NOVA1: variants seen among roughly 807,000 people sequenced by gnomAD.
The protein encoded by NOVA1 is RNA-binding protein Nova-1.
NOVA1 carries 7 observed loss-of-function variants against 38.0 expected under a neutral mutation model. That is an observed-to-expected ratio of 0.18 (90% CI 0.10 to 0.35). The LOEUF is 0.35. Ranked by LOEUF, NOVA1 falls within the 10% of genes least tolerant of loss-of-function variation. NOVA1 has a pLI of 1.00. For missense variants in NOVA1, 460 were observed against 616.0 expected (o/e 0.75, Z 2.68); for synonymous variants, 270 against 232.5 (o/e 1.16, Z -1.47).
intron 3 of NOVA1, among the ~76,000 whole-genome samples, chr14:26,474,175 ATGTGT>A (rs1188298579): frequency 6.6e-6 from 1 of 152,052 alleles, no homozygotes; most frequent in Non-Finnish European, 1.5e-5. Context: ...GTGACTAAGT[ATGTGT>A]TAAATCTAGA....
chr14:26,597,215 G>A (rs1186850751), intron 1 of NOVA1, 86 bp downstream of exon 1: 4 of 902,876 alleles, frequency 4.4e-6, no homozygotes, highest in East Asian at 3.4e-5. Context: ...GGGAGGGAGG[G>A]AAGGAGGGAG....
intron 2 of NOVA1, among the ~76,000 whole-genome samples, chr14:26,538,967 G>T (rs557253387): frequency 6.6e-6 from 1 of 152,182 alleles, no homozygotes; most frequent in Non-Finnish European, 1.5e-5. Context: ...TATTCCTGAT[G>T]ACTAGAATGT....
chr14:26,554,113 CATTCCAGCACGGGTGAAAA>C (rs1891330771), intron 2 of NOVA1, among the ~76,000 whole-genome samples: 2 of 134,754 alleles, frequency 1.5e-5, no homozygotes, highest in African/African-American at 5.6e-5. Flanking sequence ...TGCACCACTG[CATTCCAGCACGGGTGAAAA>C]AAAAAAAAAG....
At chr14:26,556,438 G>A (rs150077655) in intron 2 of NOVA1, among the ~76,000 whole-genome samples, 1 of 152,030 alleles carries the variant, frequency 6.6e-6, no homozygotes, top group African/African-American at 2.4e-5. Context: ...GGAACAACTC[G>A]ACATCCACAT....
intron 2 of NOVA1, among the ~76,000 whole-genome samples, chr14:26,521,067 T>A (rs1439942634): frequency 6.6e-6 from 1 of 152,012 alleles, no homozygotes; most frequent in Admixed American, 6.6e-5. Context: ...AAAAGTATGG[T>A]CCTAAAGTAG....
At chr14:26,592,397 T>C (rs983328254) in intron 2 of NOVA1, among the ~76,000 whole-genome samples, 8 of 149,140 alleles carry the variant, frequency 5.4e-5, no homozygotes, top group Non-Finnish European at 1.2e-4. Flanking sequence ...TCTAATCATG[T>C]AAGAAAAAAA....
At chr14:26,449,505 T>C (rs1304560021) in intron 4 of NOVA1, among the ~76,000 whole-genome samples, 6 of 152,114 alleles carry the variant, frequency 3.9e-5, no homozygotes, top group African/African-American at 1.2e-4. Context: ...TAAAGATAGC[T>C]TACTTGTTTC....
chr14:26,589,740 T>C (rs182741201), intron 2 of NOVA1, among the ~76,000 whole-genome samples: 1 of 151,768 alleles, frequency 6.6e-6, no homozygotes, highest in Non-Finnish European at 1.5e-5. Context: ...CTTAAGGTTA[T>C]TTTTTTGTTA....
At chr14:26,513,808 C>G (rs2138467543) in intron 2 of NOVA1, among the ~76,000 whole-genome samples, 1 of 151,732 alleles carries the variant, frequency 6.6e-6, no homozygotes, top group Middle Eastern at 3.6e-3. Context: ...TTTAATTTCA[C>G]CAGCTATTGT....
At chr14:26,536,915 C>CT (rs1463257085) in intron 2 of NOVA1, among the ~76,000 whole-genome samples, 8 of 152,142 alleles carry the variant, frequency 5.3e-5, no homozygotes, top group Non-Finnish European at 1.2e-4. Flanking sequence ...CATACATACA[C>CT]TACTACTAGG....
At chr14:26,500,531 T>G (rs965359087) in intron 2 of NOVA1, among the ~76,000 whole-genome samples, 1 of 150,858 alleles carries the variant, frequency 6.6e-6, no homozygotes, top group Non-Finnish European at 1.5e-5. Flanking sequence ...CAAAAAGGAT[T>G]GTCAGAACTA....
intron 2 of NOVA1, among the ~76,000 whole-genome samples, chr14:26,585,413 T>C (rs959450683): frequency 4.6e-5 from 7 of 151,266 alleles, no homozygotes; most frequent in African/African-American, 1.7e-4. Flanking sequence ...AATGTAACAA[T>C]GTAACCTCCC....
In NOVA1 at chr14:26,509,190, A is replaced by G. The variant is rs146972184; in HGVS notation, c.281-29047T>C. Among the ~76,000 whole-genome samples the G allele has an allele frequency of 3.3e-3, 499 of 152,274 alleles. 3 individuals are homozygous for G. The highest frequency in any genetic ancestry group is 5.3e-3 in the Non-Finnish European group (363 of 67,972). ...ATTTGTAGATGTATTTTTTAAGAGA[A>G]TAGTAAGCAGAAAGCCTGAAATACT... On this transcript the variant is annotated intron_variant, in intron 2 of 4. Coordinates refer to ENST00000539517, the MANE Select transcript of NOVA1 (RefSeq NM_002515.3).
chr14:26,581,968 T>C (rs1331509092), intron 2 of NOVA1, among the ~76,000 whole-genome samples: 1 of 151,830 alleles, frequency 6.6e-6, no homozygotes, highest in East Asian at 1.9e-4. Flanking sequence ...TAAAATCCTA[T>C]AGAAATGTAA....
At position 26,531,936 on chromosome 14, in the gene NOVA1, G is replaced by A. The variant is rs968393800; in HGVS notation, c.281-51793C>T. ...TGAAGAGTTGACAAAAGAAAATAAA[G>A]CAATGGTCACAAAGCACATGAAAAC... On this transcript the variant is annotated intron_variant, in intron 2 of 4. Coordinates refer to ENST00000539517, the MANE Select transcript of NOVA1 (RefSeq NM_002515.3). Among the ~76,000 whole-genome samples the A allele has an allele frequency of 3.3e-5, 5 of 152,148 alleles. No homozygotes were observed. In the East Asian group the frequency reaches 7.7e-4, roughly 24 times the overall value.
intron 2 of NOVA1, among the ~76,000 whole-genome samples, chr14:26,572,170 G>T (rs766566053): frequency 2.5e-4 from 38 of 152,266 alleles, no homozygotes; most frequent in Middle Eastern, 3.4e-3. Flanking sequence ...AAGTACAGTT[G>T]TAAGTGAAAC....
chr14:26,573,238 G>A (rs1241172233), intron 2 of NOVA1, among the ~76,000 whole-genome samples: 1 of 151,962 alleles, frequency 6.6e-6, no homozygotes. Context: ...AGAGGATGAT[G>A]GTTACATGAC....
rs563627996 is a variant in NOVA1, at chr14:26,470,327, T to TA, written c.519+1992dup. ...ACAAAAAACACATTTCCTTCTGCCC[T>TA]ACCACATGATTAGAATCTACTGGAA... On this transcript the variant is annotated intron_variant, in intron 4 of 4. Coordinates refer to ENST00000539517, the MANE Select transcript of NOVA1 (RefSeq NM_002515.3). 1.1e-3 allele frequency: 1,521 copies of TA among 1,448,346 alleles called. 25 individuals carry two copies. In the South Asian group the frequency reaches 0.018, roughly 17 times the overall value. 89.7% of individuals were successfully genotyped at this position (1,448,346 alleles called of 1,614,324 possible).
At chr14:26,492,078 C>A (rs1358355160) in intron 2 of NOVA1, among the ~76,000 whole-genome samples, 1 of 152,098 alleles carries the variant, frequency 6.6e-6, no homozygotes, top group Non-Finnish European at 1.5e-5. Context: ...GGATGCCTTT[C>A]CTTAGGTCTT....
Sources: gnomAD v4.1 joint callset for allele counts (sites outside exome capture counted in the v4.1 genomes callset) on GRCh38, gnomAD v4.1.1 for gene constraint, MANE v1.5 for transcripts, NCBI Gene and HGNC (gene_info 2026-07-23, HGNC 2026-07-21) for gene names.